The following STK3 variants were observed in gnomAD, a reference collection of about 807,000 sequenced individuals.
The protein encoded by STK3 is serine/threonine kinase 3.
In STK3, 41 loss-of-function variants were observed where a neutral mutation model predicts 58.0. That is an observed-to-expected ratio of 0.71 (90% confidence interval 0.55 to 0.92). The LOEUF is 0.92. Among genes scored for constraint, STK3 ranks in the 40% least tolerant of loss-of-function variants. The pLI, the probability that STK3 is intolerant of heterozygous loss-of-function variation, is 0.00. For synonymous variants in STK3, 170 were observed against 191.0 expected (o/e 0.89, Z 0.91); for missense variants, 479 against 602.7 (o/e 0.79, Z 2.15).
At chr8:98,400,617 G>C (rs1194305277), downstream of STK3, among the ~76,000 whole-genome samples, 1 of 152,158 alleles carries the variant, frequency 6.6e-6, no homozygotes, top group African/African-American at 2.4e-5. Flanking sequence ...TTGAACAAAA[G>C]AGTAACATTT....
In STK3 at chr8:98,577,886, G is replaced by A. The variant is rs1813542889; in HGVS notation, c.948+1778C>T. Among the ~76,000 whole-genome samples, 5 of 152,070 alleles carry A rather than the reference G, an allele frequency of 3.3e-5. No homozygotes were observed. The South Asian group carries it at 1.0e-3, about 32-fold the overall frequency. ...CACTCCAAGAGTTCTAAGAAAAAGA[G>A]TGTTTCAAGTACCGGGTATAGCACA... On this transcript the variant is annotated intron_variant, in intron 8 of 10. Transcript: ENST00000419617.
chr8:98,589,662 C>G (rs1295054412), intron 7 of STK3, among the ~76,000 whole-genome samples: 1 of 152,258 alleles, frequency 6.6e-6, no homozygotes, highest in Non-Finnish European at 1.5e-5. Flanking sequence ...TCTACTTAAG[C>G]AAGCCTGGGC....
At chr8:98,917,227 C>A (rs3019296) in intron 1 of STK3, among the ~76,000 whole-genome samples, 26,641 of 152,152 alleles carry the variant, frequency 0.18, 2,853 homozygotes, top group East Asian at 0.38. Flanking sequence ...AGGCACTTAA[C>A]AAATATTTAT....
intron 1 of STK3, among the ~76,000 whole-genome samples, chr8:98,806,673 T>C (rs968610519): frequency 6.6e-6 from 1 of 152,118 alleles, no homozygotes; most frequent in Admixed American, 6.5e-5. Flanking sequence ...CATGCACATT[T>C]CCCAAGTATC....
intron 1 of STK3, among the ~76,000 whole-genome samples, chr8:98,792,364 T>C (rs1285868639): frequency 6.6e-6 from 1 of 152,176 alleles, no homozygotes; most frequent in East Asian, 1.9e-4. Context: ...ATGTAACTAG[T>C]ACAACCACTA....
intron 6 of STK3, among the ~76,000 whole-genome samples, chr8:98,653,076 C>T (rs986299559): frequency 1.3e-5 from 2 of 152,082 alleles, no homozygotes; most frequent in African/African-American, 2.4e-5. Context: ...GACCACATAG[C>T]TGGAAGTAAA....
chr8:98,548,425 A>G (rs1810894301), intron 8 of STK3, among the ~76,000 whole-genome samples: 1 of 152,182 alleles, frequency 6.6e-6, no homozygotes, highest in Admixed American at 6.6e-5. Context: ...AAGGATTAAG[A>G]TAGGTAAACT....
intron 1 of STK3, among the ~76,000 whole-genome samples, chr8:98,893,232 T>C (rs1223846793): frequency 6.6e-6 from 1 of 151,344 alleles, no homozygotes; most frequent in Non-Finnish European, 1.5e-5. Flanking sequence ...CTACTAAAAA[T>C]ACAAAAATTA....
chr8:98,553,442 A>G (rs1811348574), intron 8 of STK3: 2 of 152,158 alleles, frequency 1.3e-5, no homozygotes, highest in African/African-American at 2.4e-5. Context: ...TAATTTATTG[A>G]ATGAATGTTA....
chr8:98,795,957 T>C (rs1833143760), intron 1 of STK3, among the ~76,000 whole-genome samples: 1 of 151,688 alleles, frequency 6.6e-6, no homozygotes, highest in Admixed American at 6.6e-5. Flanking sequence ...CACAAACAAA[T>C]GGAAAAACAT....
chr8:98,399,836 G>A (rs1007925564), downstream of STK3, among the ~76,000 whole-genome samples: 1 of 152,176 alleles, frequency 6.6e-6, no homozygotes, highest in African/African-American at 2.4e-5. Flanking sequence ...TGCCAGCCCT[G>A]AGATCTGGGA....
intron 3 of STK3, among the ~76,000 whole-genome samples, chr8:98,417,177 G>T (rs180677994): frequency 1.6e-4 from 24 of 152,166 alleles, no homozygotes; most frequent in African/African-American, 5.8e-4. Context: ...TCCCAGGGGT[G>T]GGGGAGTGGA....
At chr8:98,793,639 G>A (rs1252454732) in intron 1 of STK3, among the ~76,000 whole-genome samples, 1 of 152,096 alleles carries the variant, frequency 6.6e-6, no homozygotes, top group Admixed American at 6.5e-5. Flanking sequence ...TGACCACTGA[G>A]GCAGAAAACT....
intron 2 of STK3, among the ~76,000 whole-genome samples, chr8:98,376,523 T>C (rs1397345082): frequency 6.6e-6 from 1 of 152,208 alleles, no homozygotes; most frequent in Non-Finnish European, 1.5e-5. Context: ...TTTTCCTATG[T>C]TTCCTTCTCA....
chr8:98,374,613 C>G (rs1281966862), intron 2 of STK3, among the ~76,000 whole-genome samples: 1 of 152,182 alleles, frequency 6.6e-6, no homozygotes, highest in Non-Finnish European at 1.5e-5. Flanking sequence ...AGAGCAAATG[C>G]TTCTTCCTCA....
chr8:98,589,659 A>C (rs1815077199), intron 7 of STK3, among the ~76,000 whole-genome samples: 1 of 152,112 alleles, frequency 6.6e-6, no homozygotes, highest in Admixed American at 6.5e-5. Context: ...TTGTCTACTT[A>C]AGCAAGCCTG....
At chr8:98,582,962 AGTTTATAACTATATCT>A (rs1814051723) in intron 7 of STK3, among the ~76,000 whole-genome samples, 2 of 152,238 alleles carry the variant, frequency 1.3e-5, no homozygotes, top group South Asian at 2.1e-4. Context: ...TAATATATCA[AGTTTATAACTATATCT>A]TCCTTTATAT....
intron 8 of STK3, 142 bp from the exon 9 acceptor site, chr8:98,548,303 A>G: frequency 1.7e-6 from 1 of 583,042 alleles, no homozygotes; most frequent in Non-Finnish European, 2.5e-6. Flanking sequence ...ATACATACAT[A>G]CAAATGTTAT....
Position 98,428,304 on chromosome 8 carries a change from G to A in STK3, n.483+5823C>T. On this transcript the variant is annotated intron_variant and non_coding_transcript_variant, in intron 3 of 3. Transcript: ENST00000517832. The surrounding 1 kb of genome is among the most constrained non-coding windows in gnomAD (Gnocchi z 6.7). The stretch of plus-strand genomic sequence containing the variant: ...CTTCAGCCAGGAGATCGAGTACTGG[G>A]GCATCAACGAGTTCTTCATTGACTC... 6.2e-7 allele frequency: 1 copy of A among 1,614,156 alleles called. No individual in the cohort carries two copies. The highest frequency in any genetic ancestry group is 8.5e-7 in the Non-Finnish European group (1 of 1,180,042).
Sources: allele counts gnomAD v4.1 joint callset (sites outside exome capture counted in the v4.1 genomes callset), GRCh38; gene constraint gnomAD v4.1.1; non-coding constraint Gnocchi (gnomAD v3.1); transcripts MANE v1.5; gene names NCBI Gene and HGNC (gene_info 2026-07-23, HGNC 2026-07-21).